The following HMG20A variants were observed in gnomAD, a reference collection of about 807,000 sequenced individuals.
HMG20A encodes high mobility group 20A, also known as high mobility group protein 20A.
HMG20A carries 17 observed loss-of-function variants against 43.9 expected under a neutral mutation model. That is an observed-to-expected ratio of 0.39 (90% CI 0.27 to 0.58). The LOEUF is 0.58. Ranked by LOEUF, HMG20A falls within the 20% of genes least tolerant of loss-of-function variation. HMG20A has a pLI of 0.59. For synonymous variants in HMG20A, 132 were observed against 147.5 expected (o/e 0.89, Z 0.76); for missense variants, 341 against 438.2 (o/e 0.78, Z 1.98).
chr15:77,500,317 C>T, the HMG20A span, among the ~76,000 whole-genome samples: 1 of 152,200 alleles, frequency 6.6e-6, no homozygotes, highest in Non-Finnish European at 1.5e-5. Context: ...CTCAGGTCTG[C>T]TTTGTACTGC....
chr15:77,468,572 TTC>T (rs34591065), intron 4 of HMG20A, among the ~76,000 whole-genome samples: 2,719 of 141,108 alleles, frequency 0.019, 32 homozygotes, highest in African/African-American at 0.046. Context: ...TGCTCAGTCT[TTC>T]TCTCTCTCTC....
chr15:77,490,216 AGGTGGG>A (rs2072965372), downstream of HMG20A, among the ~76,000 whole-genome samples: 1 of 152,182 alleles, frequency 6.6e-6, no homozygotes, highest in Non-Finnish European at 1.5e-5. Context: ...TGAACCCAGG[AGGTGGG>A]GGTTGCAGTG....
Position 77,475,183 on chromosome 15 carries a change from A to AC in HMG20A, c.616-2369dup, listed in dbSNP as rs1464280224. On this transcript the variant is annotated intron_variant, in intron 6 of 9. Coordinates refer to ENST00000336216, the MANE Select transcript of HMG20A (RefSeq NM_001304504.2). ...GCTATCCTTGGAGCAGCTTAAGTAC[A>AC]CCCAAGCCCCCAGAAGGATCCTCTC... 3.9e-5 allele frequency among the ~76,000 whole-genome samples: 6 copies of AC among 152,238 alleles called. No homozygotes were observed. In the East Asian group the frequency reaches 1.2e-3, roughly 29 times the overall value.
intron 3 of HMG20A, among the ~76,000 whole-genome samples, chr15:77,466,850 G>C (rs551335029): frequency 6.6e-6 from 1 of 152,316 alleles, no homozygotes; most frequent in South Asian, 2.1e-4. Flanking sequence ...TAGCCCTTTA[G>C]TGTAACATTT....
chr15:77,432,737 A>AG (rs891067906), intron 1 of HMG20A, among the ~76,000 whole-genome samples: 1 of 151,696 alleles, frequency 6.6e-6, no homozygotes. Context: ...AAAAAAAAAA[A>AG]AAAAGACAAC....
chr15:77,464,427 C>G lies in HMG20A; in HGVS notation c.237+40C>G, dbSNP rs1595925932. The G allele has an allele frequency of 3.7e-6, 6 of 1,601,852 alleles. No homozygotes were observed. In the East Asian group the frequency reaches 1.3e-4, roughly 36 times the overall value. On this transcript the variant is annotated intron_variant, in intron 3 of 9. Transcript: ENST00000336216. ...CTCCTTCTGTTCCTATCCTCTGAAA[C>G]TTCTGAAGAAGCAGTCACAAGGAAG...
intron 3 of HMG20A, among the ~76,000 whole-genome samples, chr15:77,465,493 T>G (rs2072749214): frequency 6.6e-6 from 1 of 151,562 alleles, no homozygotes; most frequent in Non-Finnish European, 1.5e-5. Flanking sequence ...CCTCCCAGGT[T>G]CAAGCTATTC....
At chr15:77,477,476 C>T in intron 6 of HMG20A, 79 bp from the exon 7 acceptor site, 2 of 994,434 alleles carry the variant, frequency 2.0e-6, no homozygotes, top group East Asian at 5.1e-5. Flanking sequence ...TTAAAGAAGA[C>T]ATGATCATTG....
At chr15:77,454,915 GT>G (rs2072640162) in intron 1 of HMG20A, among the ~76,000 whole-genome samples, 1 of 152,018 alleles carries the variant, frequency 6.6e-6, no homozygotes, top group Non-Finnish European at 1.5e-5. Context: ...GGAACCAAGG[GT>G]TTTGCATAAA....
At chr15:77,480,898 C>T (rs1242555416) in intron 9 of HMG20A, among the ~76,000 whole-genome samples, 1 of 151,956 alleles carries the variant, frequency 6.6e-6, no homozygotes, top group Non-Finnish European at 1.5e-5. Flanking sequence ...TCCATACCTG[C>T]AGACATATAA....
intron 1 of HMG20A, among the ~76,000 whole-genome samples, chr15:77,429,626 T>C (rs2073463609): frequency 6.6e-6 from 1 of 152,184 alleles, no homozygotes; most frequent in South Asian, 2.1e-4. Context: ...GAAAATACTT[T>C]AAATAAGAAA....
At chr15:77,514,814 G>A in the HMG20A span, among the ~76,000 whole-genome samples, 2 of 152,234 alleles carry the variant, frequency 1.3e-5, no homozygotes, top group African/African-American at 4.8e-5. Flanking sequence ...CCGAGTCGGG[G>A]CAGGCAGACC....
chr15:77,443,172 A>G (rs561560256), intron 1 of HMG20A, among the ~76,000 whole-genome samples: 2 of 150,464 alleles, frequency 1.3e-5, no homozygotes, highest in Non-Finnish European at 1.5e-5. Flanking sequence ...AGCTGGGATT[A>G]TAGGCTCCTG....
intron 6 of HMG20A, among the ~76,000 whole-genome samples, chr15:77,476,729 A>G (rs2142357567): frequency 6.6e-6 from 1 of 152,320 alleles, no homozygotes; most frequent in African/African-American, 2.4e-5. Flanking sequence ...CTTAAAATTA[A>G]TATTCACAAT....
chr15:77,426,506 A>G (rs1377275150), intron 1 of HMG20A, among the ~76,000 whole-genome samples: 18 of 152,320 alleles, frequency 1.2e-4, no homozygotes, highest in Non-Finnish European at 2.9e-5. Context: ...GTGGATTATC[A>G]TAAAGGTATT....
At chr15:77,451,195 G>A (rs981279394) in intron 1 of HMG20A, among the ~76,000 whole-genome samples, 1 of 152,140 alleles carries the variant, frequency 6.6e-6, no homozygotes, top group Non-Finnish European at 1.5e-5. Flanking sequence ...CCAAGTTTTG[G>A]CAATTATGAA....
intron 1 of HMG20A, among the ~76,000 whole-genome samples, chr15:77,444,014 A>G (rs2073645863): frequency 6.6e-6 from 1 of 152,164 alleles, no homozygotes; most frequent in African/African-American, 2.4e-5. Context: ...CCCGACCTGT[A>G]TCTATTCTTT....
rs936776230 is a variant in HMG20A at position 77,484,337 on chromosome 15, G to GTTTTT, written c.*1375_*1379dup. 2.0e-5 allele frequency: 3 copies of GTTTTT among 152,542 alleles called. No homozygotes were observed. Among genetic ancestry groups the GTTTTT allele is most frequent in the South Asian group, 2.1e-4 (1 of 4,826 alleles). The allele number at this position is 152,542 out of a possible 1,614,324, so 9.4% of individuals were successfully genotyped here. On this transcript the variant is annotated 3_prime_UTR_variant, in exon 10 of 10. Coordinates refer to ENST00000336216, the MANE Select transcript of HMG20A (RefSeq NM_001304504.2). ...TTGGTTGTTCATTGTTTTTGTTTTT[G>GTTTTT]TTTTTGTTTTGACACTGCAGAGCAC...
At chr15:77,480,353 C>T (rs1429203300) in intron 9 of HMG20A, among the ~76,000 whole-genome samples, 1 of 151,810 alleles carries the variant, frequency 6.6e-6, no homozygotes, top group Non-Finnish European at 1.5e-5. Flanking sequence ...GTGGCTCACA[C>T]CTGTAGTCCT....
Sources: allele counts gnomAD v4.1 joint callset (sites outside exome capture counted in the v4.1 genomes callset), GRCh38; gene constraint gnomAD v4.1.1; transcripts MANE v1.5; gene names NCBI Gene and HGNC (gene_info 2026-07-23, HGNC 2026-07-21).